Variants in CSMD3 observed in about 807,000 individuals in gnomAD.
CSMD3 encodes the protein CUB and Sushi multiple domains 3, also known as CUB and sushi domain-containing protein 3.
A neutral mutation model predicts 435.2 loss-of-function variants in CSMD3; 177 were observed. That is an observed-to-expected ratio of 0.41 (90% CI 0.36 to 0.46). CSMD3 has a LOEUF of 0.46. CSMD3 is among the 20% of genes least tolerant of loss of function. The pLI is 0.34. For synonymous variants in CSMD3, 1,656 were observed against 1,520.5 expected (o/e 1.09, Z -2.07); for missense variants, 4,265 against 4,504.6 (o/e 0.95, Z 1.52).
chr8:112,270,712 G>A (rs976748572), intron 59 of CSMD3, among the ~76,000 whole-genome samples: 4 of 151,944 alleles, frequency 2.6e-5, no homozygotes, highest in Admixed American at 2.6e-4. Context: ...GTTTTTGTAA[G>A]AAAACATGCT....
intron 1 of CSMD3, among the ~76,000 whole-genome samples, chr8:113,390,576 A>G (rs2094457366): frequency 6.6e-6 from 1 of 151,822 alleles, no homozygotes; most frequent in Admixed American, 6.6e-5. Flanking sequence ...AGTTTTCATG[A>G]TATTTTGTAA....
At chr8:112,733,856 A>G (rs1422077127) in intron 13 of CSMD3, among the ~76,000 whole-genome samples, 1 of 152,040 alleles carries the variant, frequency 6.6e-6, no homozygotes, top group African/African-American at 2.4e-5. Flanking sequence ...TGAAGTTTGC[A>G]TATGTAAAAC....
At chr8:113,246,157 A>AT (rs1045086270) in intron 3 of CSMD3, among the ~76,000 whole-genome samples, 9 of 151,332 alleles carry the variant, frequency 5.9e-5, no homozygotes, top group South Asian at 2.1e-4. Context: ...TATTATTTCT[A>AT]TTTTTTTTAT....
chr8:113,328,193 C>CT (rs2093998237), intron 1 of CSMD3, among the ~76,000 whole-genome samples: 1 of 151,946 alleles, frequency 6.6e-6, no homozygotes. Context: ...AATCCCAGCA[C>CT]TTTGGGAGGC....
chr8:112,692,291 G>T (rs557202511), intron 13 of CSMD3, among the ~76,000 whole-genome samples: 1 of 151,968 alleles, frequency 6.6e-6, no homozygotes, highest in East Asian at 1.9e-4. Flanking sequence ...GCTCTAAATT[G>T]ATATGGAGAG....
chr8:113,028,781 A>C (rs1014826927), intron 5 of CSMD3, among the ~76,000 whole-genome samples: 32 of 151,688 alleles, frequency 2.1e-4, no homozygotes, highest in African/African-American at 6.5e-4. Flanking sequence ...TGAAGCTATC[A>C]GAGGTTGGTT....
intron 12 of CSMD3, among the ~76,000 whole-genome samples, chr8:112,813,604 T>A (rs139480352): frequency 6.6e-6 from 1 of 152,142 alleles, no homozygotes; most frequent in Non-Finnish European, 1.5e-5. Flanking sequence ...AAATTTTCGC[T>A]GTTTATAGCT....
At chr8:113,027,946 G>C (rs2086936997) in intron 5 of CSMD3, among the ~76,000 whole-genome samples, 1 of 151,986 alleles carries the variant, frequency 6.6e-6, no homozygotes, top group Admixed American at 6.6e-5. Context: ...TTTTAATCAA[G>C]ATTAAATGCA....
intron 28 of CSMD3, among the ~76,000 whole-genome samples, chr8:112,508,551 T>C (rs1822768296): frequency 6.6e-6 from 1 of 152,182 alleles, no homozygotes; most frequent in African/African-American, 2.4e-5. Flanking sequence ...GGAGAATAGG[T>C]TGGATTCAGA....
intron 3 of CSMD3, among the ~76,000 whole-genome samples, chr8:113,214,407 C>T (rs1004370456): frequency 1.3e-5 from 2 of 151,796 alleles, no homozygotes; most frequent in South Asian, 4.2e-4. Flanking sequence ...ACTTGTAATG[C>T]ATGTTCGGTT....
intron 58 of CSMD3, among the ~76,000 whole-genome samples, chr8:112,285,281 A>C (rs1271437747): frequency 6.6e-6 from 1 of 152,102 alleles, no homozygotes; most frequent in Admixed American, 6.6e-5. Flanking sequence ...TGATGCCCAC[A>C]GCATCATTAA....
chr8:112,699,470 A>T (rs913175689), intron 13 of CSMD3, among the ~76,000 whole-genome samples: 3 of 152,210 alleles, frequency 2.0e-5, no homozygotes, highest in Non-Finnish European at 2.9e-5. Context: ...AAGTGGGGAA[A>T]AAAAGAGAAA....
intron 32 of CSMD3, among the ~76,000 whole-genome samples, chr8:112,419,798 C>A (rs112988587): frequency 6.6e-6 from 1 of 152,280 alleles, no homozygotes; most frequent in African/African-American, 2.4e-5. Context: ...TATTCCACTG[C>A]AAGCCAGAAG....
intron 24 of CSMD3, among the ~76,000 whole-genome samples, chr8:112,557,612 A>G (rs1828238091): frequency 6.6e-6 from 1 of 151,886 alleles, no homozygotes; most frequent in African/African-American, 2.4e-5. Context: ...AATCTCCATA[A>G]TAATCTTAGA....
At chr8:112,245,559 T>G in intron 64 of CSMD3, among the ~76,000 whole-genome samples, 1 of 152,258 alleles carries the variant, frequency 6.6e-6, no homozygotes, top group East Asian at 1.9e-4. Flanking sequence ...GTTTTTGAGA[T>G]AAGAGTTTCA....
intron 2 of CSMD3, chr8:113,311,194 C>T (rs1335843458): frequency 6.6e-6 from 1 of 151,996 alleles, no homozygotes; most frequent in Non-Finnish European, 1.5e-5. Context: ...GCAATGTTGC[C>T]TTAAATGCAT....
chr8:112,462,097 C>T (rs912324398), intron 32 of CSMD3, among the ~76,000 whole-genome samples: 1 of 152,156 alleles, frequency 6.6e-6, no homozygotes, highest in Non-Finnish European at 1.5e-5. Context: ...GCAATCCAGA[C>T]CTTTGGATCC....
chr8:113,126,145 C>T (rs1320457710), intron 4 of CSMD3, among the ~76,000 whole-genome samples: 1 of 151,836 alleles, frequency 6.6e-6, no homozygotes, highest in African/African-American at 2.4e-5. Flanking sequence ...ACACTTATTT[C>T]ATTTCATCCT....
intron 13 of CSMD3, among the ~76,000 whole-genome samples, chr8:112,732,423 A>C (rs1429334830): frequency 1.3e-5 from 2 of 152,054 alleles, no homozygotes; most frequent in Non-Finnish European, 2.9e-5. Context: ...TAATTTGAGA[A>C]GACATGAATT....
Sources: gnomAD v4.1 joint callset for allele counts (sites outside exome capture counted in the v4.1 genomes callset) on GRCh38, gnomAD v4.1.1 for gene constraint, MANE v1.5 for transcripts, NCBI Gene and HGNC (gene_info 2026-07-23, HGNC 2026-07-21) for gene names.